Variants in LRRK2 observed in about 807,000 individuals in gnomAD.
LRRK2 encodes the protein leucine rich repeat kinase 2.
LRRK2 carries 203 observed loss-of-function variants against 302.6 expected under a neutral mutation model. The observed-to-expected ratio is 0.67, with a 90% CI of 0.60 to 0.75. The LOEUF is 0.75. Ranked by LOEUF, LRRK2 falls within the 30% of genes least tolerant of loss-of-function variation. The probability of loss-of-function intolerance (pLI) is 0.00; values close to 1 mark genes in which losing one functional copy is unlikely to be tolerated. For missense variants in LRRK2, 2,830 were observed against 2,951.0 expected, an observed-to-expected ratio of 0.96 and a Z score of 0.95; for synonymous variants, 1,066 against 1,031.9, an observed-to-expected ratio of 1.03 and a Z score of -0.63.
intron 24 of LRRK2, 81 bp downstream of exon 24, chr12:40,298,574 T>G (rs1194857575): frequency 6.4e-7 from 1 of 1,550,684 alleles, no homozygotes; most frequent in Admixed American, 1.7e-5. Flanking sequence ...TTTATAGCAA[T>G]GAGTTTTAAC....
intron 20 of LRRK2, among the ~76,000 whole-genome samples, chr12:40,293,041 A>T (rs1312154612): frequency 6.6e-6 from 1 of 152,072 alleles, no homozygotes; most frequent in East Asian, 1.9e-4. Context: ...TGAAAAATTT[A>T]TAAGAAAAAT....
Position 40,259,564 on chromosome 12 carries a change from G to A in LRRK2, c.1503G>A (p.Gln501=), listed in dbSNP as rs1373331532. Residue 501 remains glutamine, a synonymous_variant, in exon 13 of 51, where the codon CAG becomes CAA. Transcript: ENST00000298910. ...GTCATGAGACATCATTACCAGTGCAGCTGGAGGCGCTTCGAGCTATTTTAC... is the reference window on the plus strand; with the variant it reads ...GTCATGAGACATCATTACCAGTGCAACTGGAGGCGCTTCGAGCTATTTTAC... ...MKRHETSLPV[Q]LEALRAILHF... 1 of 1,613,344 alleles carries A rather than the reference G, an allele frequency of 6.2e-7. No homozygotes were observed. Among genetic ancestry groups the A allele is most frequent in the Non-Finnish European group, 8.5e-7 (1 of 1,179,452 alleles).
At position 40,356,111 on chromosome 12, in the gene LRRK2, T is replaced by C; in HGVS notation, c.6771-4T>C. On this transcript the variant is annotated splice_polypyrimidine_tract_variant and splice_region_variant and intron_variant, in intron 45 of 50. Transcript: ENST00000298910. Reference sequence around the variant, plus strand: ...TGTAACAATTTCAACATTTTTCCTTTTAGCAAACAAAAAAATTTTCTTTTG... The same window carrying C: ...TGTAACAATTTCAACATTTTTCCTTCTAGCAAACAAAAAAATTTTCTTTTG... 6.2e-7 allele frequency: 1 copy of C among 1,607,086 alleles called. No homozygotes were observed.
chr12:40,356,300 A>G, intron 46 of LRRK2, 113 bp downstream of exon 46: 2 of 747,438 alleles, frequency 2.7e-6, no homozygotes, highest in East Asian at 2.7e-5. Context: ...ATCATAAATT[A>G]TGCTGTATTT....
chr12:40,269,843 C>A (rs971810930), intron 14 of LRRK2, among the ~76,000 whole-genome samples: 1 of 152,092 alleles, frequency 6.6e-6, no homozygotes, highest in Non-Finnish European at 1.5e-5. Flanking sequence ...TATATTTCCA[C>A]CGCTTTATGT....
intron 42 of LRRK2, among the ~76,000 whole-genome samples, chr12:40,347,359 C>A (rs1211744281): frequency 6.6e-6 from 1 of 152,156 alleles, no homozygotes; most frequent in African/African-American, 2.4e-5. Flanking sequence ...GTTATCAAAG[C>A]TCATTTGGAA....
chr12:40,347,055 T>A, intron 42 of LRRK2, 132 bp downstream of exon 42: 1 of 724,300 alleles, frequency 1.4e-6, no homozygotes, highest in Non-Finnish European at 2.2e-6. Flanking sequence ...TAAATATTCT[T>A]AAATCTTGTG....
chr12:40,328,354 CA>C lies in LRRK2; in HGVS notation c.5657-2del, dbSNP rs138925036. On this transcript the variant is annotated splice_region_variant and splice_polypyrimidine_tract_variant and intron_variant, in intron 38 of 50. Transcript: ENST00000298910. The stretch of plus-strand genomic sequence containing the variant: ...ATTTAAGTGCTTTGTATTTTCTTTT[CA>C]AAAGGTGATGGCAGTTTTGGATCAG... The C allele has an allele frequency of 6.2e-7, 1 of 1,612,294 alleles. No homozygotes were observed. Among genetic ancestry groups the C allele is most frequent in the Non-Finnish European group, 8.5e-7 (1 of 1,178,606 alleles).
At position 40,367,970 on chromosome 12, in the gene LRRK2, T is replaced by A. The variant is rs528584707; in HGVS notation, c.*205T>A. 1 of 328,312 alleles carries A rather than the reference T, an allele frequency of 3.0e-6. No individual in the cohort carries two copies. Among genetic ancestry groups the A allele is most frequent in the African/African-American group, 2.2e-5 (1 of 46,390 alleles). The allele number at this position is 328,312 out of a possible 1,614,324, so 20.3% of individuals were successfully genotyped here. The stretch of plus-strand genomic sequence containing the variant: ...TTAAAGAACTATTTAAAACACAATG[T>A]TATATTTCTTATAAATACCAGTTAC... On this transcript the variant is annotated 3_prime_UTR_variant, in exon 51 of 51. Coordinates refer to ENST00000298910, the MANE Select transcript of LRRK2 (RefSeq NM_198578.4).
chr12:40,262,266 T>C (rs1274420571), intron 13 of LRRK2, among the ~76,000 whole-genome samples: 1 of 152,118 alleles, frequency 6.6e-6, no homozygotes, highest in Non-Finnish European at 1.5e-5. Context: ...TATTAGGCAT[T>C]GTTTGAAGTA....
chr12:40,306,036 G>A, intron 28 of LRRK2, 70 bp downstream of exon 28: 1 of 1,180,856 alleles, frequency 8.5e-7, no homozygotes, highest in Non-Finnish European at 1.2e-6. Flanking sequence ...TGACTTTGAT[G>A]GACATATATT....
At chr12:40,342,009 T>A (rs1332484116) in intron 41 of LRRK2, among the ~76,000 whole-genome samples, 2 of 152,232 alleles carry the variant, frequency 1.3e-5, no homozygotes, top group Non-Finnish European at 2.9e-5. Flanking sequence ...TCTTGAAAGA[T>A]CTGCTCATTT....
chr12:40,231,036 T>C (rs1941154528), intron 2 of LRRK2, among the ~76,000 whole-genome samples: 1 of 152,126 alleles, frequency 6.6e-6, no homozygotes, highest in African/African-American at 2.4e-5. Flanking sequence ...TAGAGCTCTT[T>C]CTCTTTTTCT....
At chr12:40,296,804 C>T (rs1362558900) in intron 23 of LRRK2, among the ~76,000 whole-genome samples, 2 of 151,742 alleles carry the variant, frequency 1.3e-5, no homozygotes, top group African/African-American at 4.8e-5. Flanking sequence ...GAAAGGTGAC[C>T]CACTCCTCCA....
At chr12:40,298,169 T>A in intron 23 of LRRK2, 74 bp from the exon 24 acceptor site, 1 of 1,504,476 alleles carries the variant, frequency 6.6e-7, no homozygotes, top group Non-Finnish European at 9.1e-7. Context: ...CAGAGGTGTG[T>A]AAGGCAGAAA....
chr12:40,285,798 A>G (rs1212057544), intron 19 of LRRK2, among the ~76,000 whole-genome samples: 2 of 152,050 alleles, frequency 1.3e-5, no homozygotes, highest in African/African-American at 2.4e-5. Context: ...TAAAGATTAC[A>G]TTACTCCGTG....
chr12:40,306,934 C>T (rs1223874492), intron 28 of LRRK2, among the ~76,000 whole-genome samples: 1 of 151,972 alleles, frequency 6.6e-6, no homozygotes, highest in African/African-American at 2.4e-5. Context: ...AATTATTTTT[C>T]TCTCTTGAAA....
At chr12:40,326,235 T>C (rs1316091916) in intron 38 of LRRK2, among the ~76,000 whole-genome samples, 3 of 151,878 alleles carry the variant, frequency 2.0e-5, no homozygotes, top group Admixed American at 2.0e-4. Context: ...GAGGCCGAGA[T>C]GGGCGGATCA....
At chr12:40,320,581 C>G (rs190596185) in intron 34 of LRRK2, among the ~76,000 whole-genome samples, 4 of 151,972 alleles carry the variant, frequency 2.6e-5, no homozygotes, top group Admixed American at 2.6e-4. Context: ...ACAATGGATG[C>G]CTATGTTTTA....
Sources: allele counts gnomAD v4.1 joint callset (sites outside exome capture counted in the v4.1 genomes callset), GRCh38; gene constraint gnomAD v4.1.1; transcripts MANE v1.5; gene names NCBI Gene and HGNC (gene_info 2026-07-23, HGNC 2026-07-21).